FHL2: variants seen among roughly 807,000 people sequenced by gnomAD.
The protein encoded by FHL2 is four and a half LIM domains 2.
FHL2 carries 20 observed loss-of-function variants against 32.7 expected under a neutral mutation model. The observed-to-expected ratio is 0.61, with a 90% CI of 0.43 to 0.89. The LOEUF (loss-of-function observed/expected upper bound fraction) is 0.89, where lower values mean the gene tolerates loss of function less well. FHL2 is among the 40% of genes least tolerant of loss of function. The pLI, the probability that FHL2 is intolerant of heterozygous loss-of-function variation, is 0.00. For synonymous variants in FHL2, 123 were observed against 128.1 expected, an observed-to-expected ratio of 0.96 and a Z score of 0.27; for missense variants, 311 against 358.6, an observed-to-expected ratio of 0.87 and a Z score of 1.07.
intron 3 of FHL2, among the ~76,000 whole-genome samples, chr2:105,383,727 A>G (rs1047411590): frequency 4.6e-5 from 7 of 152,222 alleles, no homozygotes; most frequent in Non-Finnish European, 7.3e-5. Flanking sequence ...CTTTACTTCC[A>G]GAAAAAAACA....
At chr2:105,402,181 ATGTATATATGTATATATATG>A (rs1203383418), upstream of FHL2, among the ~76,000 whole-genome samples, 123 of 146,882 alleles carry the variant, frequency 8.4e-4, no homozygotes, top group African/African-American at 2.8e-3. Flanking sequence ...ATGTATCTGT[ATGTATATATGTATATATATG>A]TGTATATATG....
intron 3 of FHL2, among the ~76,000 whole-genome samples, chr2:105,377,250 T>C (rs1289305381): frequency 6.6e-6 from 1 of 152,192 alleles, no homozygotes; most frequent in East Asian, 1.9e-4. Flanking sequence ...GCCATCTGAA[T>C]GCACTTACTA....
At chr2:105,397,905 A>G (rs1683258876) in intron 1 of FHL2, among the ~76,000 whole-genome samples, 1 of 150,690 alleles carries the variant, frequency 6.6e-6, no homozygotes. Context: ...TTTGTCTAAA[A>G]CATCTTCAGG....
chr2:105,422,597 C>T (rs1481727215), intron 1 of FHL2, among the ~76,000 whole-genome samples: 1 of 147,532 alleles, frequency 6.8e-6, no homozygotes, highest in East Asian at 2.0e-4. Flanking sequence ...CAATTTTCCG[C>T]TAATTTGTTG....
intron 3 of FHL2, chr2:105,378,370 C>T (rs28545614): frequency 0.13 from 47,911 of 356,422 alleles, 3,895 homozygotes; most frequent in Admixed American, 0.27. Context: ...CCTGCTCTAT[C>T]GGATCCCACC....
At chr2:105,408,509 G>A (rs1035490099) in intron 1 of FHL2, among the ~76,000 whole-genome samples, 3 of 152,186 alleles carry the variant, frequency 2.0e-5, no homozygotes, top group Admixed American at 6.5e-5. Context: ...CTTCCCTTAC[G>A]AGAAGTACGG....
At chr2:105,399,692 T>TCCAAGCCCG, upstream of FHL2, 17 of 1,424,030 alleles carry the variant, frequency 1.2e-5, no homozygotes, top group Non-Finnish European at 1.6e-5. Context: ...CCTCCCACAT[T>TCCAAGCCCG]CCAAGCCCGG....
intron 3 of FHL2, chr2:105,375,498 C>CGTG (rs910854255): frequency 2.6e-5 from 4 of 152,214 alleles, no homozygotes; most frequent in African/African-American, 9.7e-5. Flanking sequence ...ATTAGCCGGG[C>CGTG]GTGGTGGTGC....
chr2:105,425,045 G>C (rs188897030), intron 1 of FHL2, among the ~76,000 whole-genome samples: 2 of 152,222 alleles, frequency 1.3e-5, no homozygotes, highest in South Asian at 2.1e-4. Flanking sequence ...AAGAAAGAGA[G>C]ATCAGACTGT....
In FHL2 at chr2:105,386,534, C is replaced by G. The variant is rs753619499; in HGVS notation, c.-18G>C. On this transcript the variant is annotated 5_prime_UTR_variant, in exon 3 of 7. Transcript: ENST00000530340. ...TCAGTCATTTTGACTCCTGGCTTTT[C>G]AGCAACCTATCAAAAAGAAAAGAAA... 39 of 1,613,892 alleles carry G rather than the reference C, an allele frequency of 2.4e-5. No individual in the cohort carries two copies. The East Asian group carries it at 8.7e-4, about 36-fold the overall frequency.
Position 105,421,157 on chromosome 2 carries a change from G to A in FHL2, c.-25+17242C>T, listed in dbSNP as rs952190723. ...CCTTGATAAAGAAGGTAATCCAATG[G>A]GAAGAAAGTGAACTGTCCCTGGTCC... On this transcript the variant is annotated intron_variant, in intron 1 of 5. Transcript: ENST00000393352. 2.7e-4 allele frequency among the ~76,000 whole-genome samples: 41 copies of A among 152,308 alleles called. 1 individual carries two copies. Among genetic ancestry groups the A allele is most frequent in the African/African-American group, 9.6e-4 (40 of 41,564 alleles).
chr2:105,399,142 G>A, upstream of FHL2: 1 of 1,371,562 alleles, frequency 7.3e-7, no homozygotes, highest in South Asian at 1.8e-5. Flanking sequence ...GGCACCGGGC[G>A]TGGGGCGCGG....
intron 1 of FHL2, among the ~76,000 whole-genome samples, chr2:105,426,743 A>C (rs1377028774): frequency 6.6e-6 from 1 of 152,188 alleles, no homozygotes; most frequent in Non-Finnish European, 1.5e-5. Context: ...ATGAGAACAC[A>C]CGCACAGCAA....
intron 3 of FHL2, chr2:105,375,495 G>T (rs551011692): frequency 6.6e-6 from 1 of 152,372 alleles, no homozygotes; most frequent in African/African-American, 2.4e-5. Context: ...AACATTAGCC[G>T]GGCGTGGTGG....
chr2:105,373,413 T>C, intron 4 of FHL2, 146 bp downstream of exon 4: 1 of 795,078 alleles, frequency 1.3e-6, no homozygotes, highest in Non-Finnish European at 2.1e-6. Context: ...TCGTAAGTAC[T>C]CTAAATACTC....
chr2:105,396,320 T>G (rs1228930977), intron 2 of FHL2, among the ~76,000 whole-genome samples: 1 of 152,138 alleles, frequency 6.6e-6, no homozygotes, highest in Non-Finnish European at 1.5e-5. Context: ...GATGTTTCAG[T>G]GTGAGTCCAA....
intron 2 of FHL2, among the ~76,000 whole-genome samples, chr2:105,391,315 C>T (rs1682714762): frequency 6.6e-6 from 1 of 152,090 alleles, no homozygotes; most frequent in Non-Finnish European, 1.5e-5. Context: ...ACTACCAAGC[C>T]CCTTACTCAG....
chr2:105,407,124 GGCT>G (rs1193362895), intron 1 of FHL2, among the ~76,000 whole-genome samples: 2 of 152,184 alleles, frequency 1.3e-5, no homozygotes, highest in Non-Finnish European at 2.9e-5. Flanking sequence ...TGGGCGTGGT[GGCT>G]CACGCCTATA....
chr2:105,429,237 A>C (rs1015610832), intron 1 of FHL2, among the ~76,000 whole-genome samples: 4 of 152,220 alleles, frequency 2.6e-5, no homozygotes, highest in Non-Finnish European at 5.9e-5. Context: ...GTCAAATCGC[A>C]GTTCTGCCTC....
Sources: gnomAD v4.1 joint callset for allele counts (sites outside exome capture counted in the v4.1 genomes callset) on GRCh38, gnomAD v4.1.1 for gene constraint, MANE v1.5 for transcripts, NCBI Gene and HGNC (gene_info 2026-07-23, HGNC 2026-07-21) for gene names.